Variants in UBE2E1 observed in about 807,000 individuals in gnomAD.
UBE2E1 encodes ubiquitin conjugating enzyme E2 E1, also known as ubiquitin-conjugating enzyme E2 E1.
A neutral mutation model predicts 21.4 loss-of-function variants in UBE2E1; 6 were observed. The ratio of observed to expected loss-of-function variants is 0.28; its 90% CI spans 0.15 to 0.55. UBE2E1 has a LOEUF of 0.55. UBE2E1 is among the 20% of genes least tolerant of loss of function. UBE2E1 has a pLI of 0.93. For synonymous variants in UBE2E1, 87 were observed against 82.7 expected, an observed-to-expected ratio of 1.05 and a Z score of -0.28; for missense variants, 142 against 236.5, an observed-to-expected ratio of 0.60 and a Z score of 2.62.
chr3:23,813,403 T>C (rs1258127948), intron 3 of UBE2E1, among the ~76,000 whole-genome samples: 2 of 152,216 alleles, frequency 1.3e-5, no homozygotes, highest in African/African-American at 2.4e-5. Context: ...GGTGCTGTCT[T>C]AATGTTATAT....
At chr3:23,828,293 T>C (rs938529421) in intron 3 of UBE2E1, among the ~76,000 whole-genome samples, 11 of 152,216 alleles carry the variant, frequency 7.2e-5, no homozygotes, top group Non-Finnish European at 1.6e-4. Context: ...ACATGTAGGC[T>C]GAAGCAATGA....
At chr3:23,869,444 T>TGTGTGTGTGTGTGTGTGTGTGTG (rs1553639716) in intron 3 of UBE2E1, among the ~76,000 whole-genome samples, 1 of 148,924 alleles carries the variant, frequency 6.7e-6, no homozygotes, top group African/African-American at 2.5e-5. Context: ...TGTGTGTGTG[T>TGTGTGTGTGTGTGTGTGTGTGTG]TAACTTCAGT....
At chr3:23,881,093 G>A (rs969634706) in intron 3 of UBE2E1, among the ~76,000 whole-genome samples, 4 of 152,192 alleles carry the variant, frequency 2.6e-5, no homozygotes, top group Admixed American at 1.3e-4. Flanking sequence ...TGTTAATTGC[G>A]TTTATTCAAT....
intron 3 of UBE2E1, among the ~76,000 whole-genome samples, chr3:23,867,274 A>G (rs545940097): frequency 1.3e-5 from 2 of 152,280 alleles, no homozygotes; most frequent in African/African-American, 2.4e-5. Context: ...TTTCTCTGCA[A>G]TTGTGTTAGG....
chr3:23,880,019 G>A (rs535589806), intron 3 of UBE2E1, among the ~76,000 whole-genome samples: 3 of 152,330 alleles, frequency 2.0e-5, no homozygotes, highest in African/African-American at 7.2e-5. Flanking sequence ...GGCCCAGGTG[G>A]GAGGATCACT....
At chr3:23,847,731 G>A (rs1371747956) in intron 3 of UBE2E1, among the ~76,000 whole-genome samples, 4 of 151,914 alleles carry the variant, frequency 2.6e-5, no homozygotes, top group African/African-American at 4.8e-5. Flanking sequence ...TTCTGACCTC[G>A]TGATCCACCC....
At chr3:23,820,244 G>A (rs1038329087) in intron 3 of UBE2E1, among the ~76,000 whole-genome samples, 1 of 152,166 alleles carries the variant, frequency 6.6e-6, no homozygotes, top group Non-Finnish European at 1.5e-5. Flanking sequence ...CCTAGTAACT[G>A]GTGTCAGAAT....
At chr3:23,845,199 C>G (rs1272149673) in intron 3 of UBE2E1, among the ~76,000 whole-genome samples, 3 of 152,154 alleles carry the variant, frequency 2.0e-5, no homozygotes, top group Non-Finnish European at 2.9e-5. Context: ...TGACAATAAA[C>G]TAAAGCAAAT....
rs77040277 is a variant in UBE2E1, at chr3:23,890,303, C to T, written c.485-206C>T. 1.1e-3 allele frequency among the ~76,000 whole-genome samples: 167 copies of T among 152,274 alleles called. 5 individuals carry two copies. In the East Asian group the frequency reaches 0.022, roughly 20 times the overall value. ...ACTAAGATAAAGACAGACCAGTACACTAAAGCCTAAGCATTCCCTCTTCCC... is the reference window on the plus strand; with the variant it reads ...ACTAAGATAAAGACAGACCAGTACATTAAAGCCTAAGCATTCCCTCTTCCC... On this transcript the variant is annotated intron_variant, in intron 5 of 5. Coordinates refer to ENST00000306627, the MANE Select transcript of UBE2E1 (RefSeq NM_003341.5).
intron 3 of UBE2E1, among the ~76,000 whole-genome samples, chr3:23,822,179 G>C (rs2125287535): frequency 6.6e-6 from 1 of 152,234 alleles, no homozygotes; most frequent in East Asian, 1.9e-4. Flanking sequence ...AAAAGATGAA[G>C]ACCAGCAAGT....
chr3:23,820,128 C>T (rs1699616497), intron 3 of UBE2E1, among the ~76,000 whole-genome samples: 1 of 152,196 alleles, frequency 6.6e-6, no homozygotes, highest in African/African-American at 2.4e-5. Flanking sequence ...CCGCCTGAGA[C>T]ATCTGACACA....
In UBE2E1 at chr3:23,816,524, G is replaced by C. The variant is rs1699522039; in HGVS notation, c.203+5014G>C. The stretch of plus-strand genomic sequence containing the variant: ...GATCGACACCATCGTGGCGAACACA[G>C]TGAAACCCCGTCTCTACTAAAAATA... On this transcript the variant is annotated intron_variant, in intron 3 of 5. Coordinates refer to ENST00000306627, the MANE Select transcript of UBE2E1 (RefSeq NM_003341.5). This position sits in a 1 kb window ranked among gnomAD's most constrained non-coding sequence, Gnocchi z 4.8. 6.6e-6 allele frequency among the ~76,000 whole-genome samples: 1 copy of C among 152,088 alleles called. No individual in the cohort carries two copies. Among genetic ancestry groups the C allele is most frequent in the South Asian group, 2.1e-4 (1 of 4,826 alleles).
At position 23,825,390 on chromosome 3, in the gene UBE2E1, T is replaced by A. The variant is rs988838068; in HGVS notation, c.203+13880T>A. On this transcript the variant is annotated intron_variant, in intron 3 of 5. Transcript: ENST00000306627. ...ACAACCAGTGGCTCCTGACTGTATT[T>A]AGTCATTCGTTCTGATATTTATCGG... Among the ~76,000 whole-genome samples the A allele has an allele frequency of 3.9e-5, 6 of 152,198 alleles. No homozygotes were observed. The South Asian group carries it at 1.0e-3, about 26-fold the overall frequency.
At chr3:23,854,764 A>T (rs1700401379) in intron 3 of UBE2E1, among the ~76,000 whole-genome samples, 1 of 152,208 alleles carries the variant, frequency 6.6e-6, no homozygotes, top group Admixed American at 6.5e-5. Context: ...AATTCTGTTA[A>T]ATACGTAGGA....
intron 3 of UBE2E1, among the ~76,000 whole-genome samples, chr3:23,869,021 A>T (rs187592715): frequency 1.3e-5 from 2 of 152,298 alleles, no homozygotes; most frequent in African/African-American, 4.8e-5. Context: ...ATATATAAGT[A>T]AGAGTCTCCA....
At chr3:23,838,668 T>A (rs1469483943) in intron 3 of UBE2E1, among the ~76,000 whole-genome samples, 2 of 152,040 alleles carry the variant, frequency 1.3e-5, no homozygotes, top group Non-Finnish European at 2.9e-5. Context: ...GGCTAAATTT[T>A]GTATTTTTAG....
chr3:23,827,859 T>C (rs1044200318), intron 3 of UBE2E1, among the ~76,000 whole-genome samples: 5 of 152,208 alleles, frequency 3.3e-5, no homozygotes, highest in Non-Finnish European at 5.9e-5. Flanking sequence ...CAAAATCTTA[T>C]GTAGTATTCA....
intron 3 of UBE2E1, among the ~76,000 whole-genome samples, chr3:23,829,576 A>C (rs1699826363): frequency 6.6e-6 from 1 of 152,088 alleles, no homozygotes; most frequent in East Asian, 1.9e-4. Flanking sequence ...CACGGGGTTT[A>C]CCAGTAGCCT....
At chr3:23,879,460 G>T in intron 3 of UBE2E1, 1 of 415,668 alleles carries the variant, frequency 2.4e-6, no homozygotes, top group South Asian at 2.1e-5. Flanking sequence ...AAGGCCGACT[G>T]GACAGGATAG....
Sources: allele counts gnomAD v4.1 joint callset (sites outside exome capture counted in the v4.1 genomes callset), GRCh38; gene constraint gnomAD v4.1.1; non-coding constraint Gnocchi (gnomAD v3.1); transcripts MANE v1.5; gene names NCBI Gene and HGNC (gene_info 2026-07-23, HGNC 2026-07-21).